The following ZNF804B variants were observed in gnomAD, a reference collection of about 807,000 sequenced individuals.
ZNF804B encodes zinc finger 804B.
A neutral mutation model predicts 101.4 loss-of-function variants in ZNF804B; 80 were observed. The ratio of observed to expected loss-of-function variants is 0.79; its 90% CI spans 0.66 to 0.95. The LOEUF (loss-of-function observed/expected upper bound fraction) is 0.95. Among genes scored for constraint, ZNF804B ranks in the 40% least tolerant of loss-of-function variants. The pLI is 0.00. For missense variants in ZNF804B, 1,673 were observed against 1,561.9 expected, an observed-to-expected ratio of 1.07 and a Z score of -1.20; for synonymous variants, 622 against 558.8, an observed-to-expected ratio of 1.11 and a Z score of -1.59.
chr7:89,306,676 A>G (rs951010315), intron 2 of ZNF804B, among the ~76,000 whole-genome samples: 2 of 152,020 alleles, frequency 1.3e-5, no homozygotes, highest in African/African-American at 4.8e-5. Context: ...TTCTTTGTTA[A>G]CTTAAGCTAA....
At chr7:88,908,300 T>C (rs1177838482) in intron 1 of ZNF804B, among the ~76,000 whole-genome samples, 1 of 151,788 alleles carries the variant, frequency 6.6e-6, no homozygotes, top group Non-Finnish European at 1.5e-5. Context: ...TGTGTTATAC[T>C]CTGGTTGTTT....
chr7:89,001,359 C>CT (rs543804643), intron 1 of ZNF804B, among the ~76,000 whole-genome samples: 40 of 142,820 alleles, frequency 2.8e-4, no homozygotes, highest in African/African-American at 7.2e-4. Flanking sequence ...CTTTCCTTTT[C>CT]TTTTTTTTTT....
At chr7:89,103,917 G>T (rs566594142) in intron 1 of ZNF804B, among the ~76,000 whole-genome samples, 1 of 151,798 alleles carries the variant, frequency 6.6e-6, no homozygotes, top group Non-Finnish European at 1.5e-5. Flanking sequence ...CAGCTAGTTT[G>T]TTGAGGGTTT....
chr7:88,786,642 A>G (rs3915188), intron 1 of ZNF804B, among the ~76,000 whole-genome samples: 69,641 of 151,854 alleles, frequency 0.46, 18,514 homozygotes, highest in East Asian at 0.81. Flanking sequence ...CAAAGAATAA[A>G]ATTTAATATA....
At chr7:89,200,584 T>C (rs1788618028) in intron 1 of ZNF804B, among the ~76,000 whole-genome samples, 1 of 152,138 alleles carries the variant, frequency 6.6e-6, no homozygotes, top group South Asian at 2.1e-4. Flanking sequence ...ATGTAAATAT[T>C]GTTGACCTTC....
chr7:89,273,524 A>G (rs180899156), intron 2 of ZNF804B, among the ~76,000 whole-genome samples: 73 of 152,288 alleles, frequency 4.8e-4, no homozygotes, highest in Non-Finnish European at 6.0e-4. Flanking sequence ...CAACTTATAA[A>G]TATTTACTGC....
At chr7:89,004,996 C>G (rs1285335680) in intron 1 of ZNF804B, among the ~76,000 whole-genome samples, 3 of 151,914 alleles carry the variant, frequency 2.0e-5, no homozygotes, top group East Asian at 1.9e-4. Flanking sequence ...GCCTTCACCA[C>G]TCATACTTGG....
chr7:88,900,651 G>T (rs922566336), intron 1 of ZNF804B, among the ~76,000 whole-genome samples: 1 of 148,540 alleles, frequency 6.7e-6, no homozygotes, highest in Admixed American at 6.7e-5. Flanking sequence ...CTCCCATGTG[G>T]GTTTAGACAG....
At chr7:88,808,127 C>T (rs1398688322) in intron 1 of ZNF804B, among the ~76,000 whole-genome samples, 1 of 152,074 alleles carries the variant, frequency 6.6e-6, no homozygotes, top group Non-Finnish European at 1.5e-5. Flanking sequence ...CACGGTGGCT[C>T]ATGCCTGTAA....
chr7:89,130,305 A>G (rs1239296753), intron 1 of ZNF804B, among the ~76,000 whole-genome samples: 1 of 151,912 alleles, frequency 6.6e-6, no homozygotes, highest in Non-Finnish European at 1.5e-5. Context: ...TGGCTGAAAC[A>G]GAAGTTACCC....
chr7:88,832,685 T>G (rs1261565081), intron 1 of ZNF804B, among the ~76,000 whole-genome samples: 2 of 151,988 alleles, frequency 1.3e-5, no homozygotes. Context: ...AATCAAATTG[T>G]TTGGCCGAAG....
At chr7:89,163,110 T>C (rs1011196736) in intron 1 of ZNF804B, among the ~76,000 whole-genome samples, 8 of 152,032 alleles carry the variant, frequency 5.3e-5, no homozygotes, top group Admixed American at 4.6e-4. Flanking sequence ...AAGTTCTTAA[T>C]CAAAATGGTA....
chr7:88,892,547 A>G (rs992255646), intron 1 of ZNF804B, among the ~76,000 whole-genome samples: 3 of 152,110 alleles, frequency 2.0e-5, no homozygotes, highest in East Asian at 1.9e-4. Flanking sequence ...TGTAAGTTCT[A>G]TAGTTTCACT....
At chr7:88,936,114 A>T (rs891877189) in intron 1 of ZNF804B, among the ~76,000 whole-genome samples, 7 of 144,996 alleles carry the variant, frequency 4.8e-5, no homozygotes, top group Non-Finnish European at 9.0e-5. Context: ...TTTTTTTTTA[A>T]AAAAAATAAC....
intron 2 of ZNF804B, among the ~76,000 whole-genome samples, chr7:89,315,227 C>G (rs1790707385): frequency 6.6e-6 from 1 of 152,140 alleles, no homozygotes. Context: ...ATGATGAGGA[C>G]AGCACCAAGT....
At chr7:89,011,767 C>T (rs1396857959) in intron 1 of ZNF804B, among the ~76,000 whole-genome samples, 1 of 152,108 alleles carries the variant, frequency 6.6e-6, no homozygotes. Context: ...AGTACAGCCC[C>T]CCTCGCAGCT....
chr7:89,259,249 G>T (rs117390934), intron 2 of ZNF804B, among the ~76,000 whole-genome samples: 1 of 152,020 alleles, frequency 6.6e-6, no homozygotes, highest in Non-Finnish European at 1.5e-5. Flanking sequence ...GTGTCTATTG[G>T]CTCTACTTTT....
At chr7:89,215,985 A>G (rs898917380) in intron 1 of ZNF804B, among the ~76,000 whole-genome samples, 3 of 152,052 alleles carry the variant, frequency 2.0e-5, no homozygotes, top group African/African-American at 7.2e-5. Flanking sequence ...CTGTGATTAT[A>G]CTAAGAAAGG....
chr7:88,785,772 A>G (rs1586901577), intron 1 of ZNF804B, among the ~76,000 whole-genome samples: 1 of 152,100 alleles, frequency 6.6e-6, no homozygotes, highest in Non-Finnish European at 1.5e-5. Flanking sequence ...ATACATACAT[A>G]TATAGATAAG....
Sources: gnomAD v4.1 joint callset for allele counts (sites outside exome capture counted in the v4.1 genomes callset) on GRCh38, gnomAD v4.1.1 for gene constraint, MANE v1.5 for transcripts, NCBI Gene and HGNC (gene_info 2026-07-23, HGNC 2026-07-21) for gene names.